Variants in CDH13 observed in about 807,000 individuals in gnomAD.
CDH13 encodes the protein cadherin 13.
Under a neutral mutation model 63.8 loss-of-function variants are expected in CDH13, and 24 were observed. The observed-to-expected ratio is 0.38, with a 90% CI of 0.27 to 0.53. The LOEUF is 0.53. Among genes scored for constraint, CDH13 ranks in the 20% least tolerant of loss-of-function variants. The pLI, the probability that CDH13 is intolerant of heterozygous loss-of-function variation, is 0.85. For missense variants in CDH13, 1,049 were observed against 903.1 expected (o/e 1.16, Z -2.07); for synonymous variants, 503 against 355.3 (o/e 1.42, Z -4.67).
intron 4 of CDH13, among the ~76,000 whole-genome samples, chr16:83,206,557 C>A (rs758652402): frequency 1.3e-5 from 2 of 152,232 alleles, no homozygotes; most frequent in African/African-American, 2.4e-5. Context: ...GAGATACATT[C>A]ATTCACTAGA....
At chr16:83,391,985 C>T (rs577807348) in intron 6 of CDH13, among the ~76,000 whole-genome samples, 1 of 152,306 alleles carries the variant, frequency 6.6e-6, no homozygotes, top group Admixed American at 6.5e-5. Flanking sequence ...TGGGGCAACT[C>T]TATGTAGTCA....
intron 1 of CDH13, among the ~76,000 whole-genome samples, chr16:82,694,697 C>T (rs749226945): frequency 6.6e-6 from 1 of 152,062 alleles, no homozygotes; most frequent in Non-Finnish European, 1.5e-5. Flanking sequence ...TAAATAAGGA[C>T]CTACTGAATG....
chr16:83,767,804 G>C (rs1481209898), intron 11 of CDH13, among the ~76,000 whole-genome samples: 3 of 152,146 alleles, frequency 2.0e-5, no homozygotes, highest in Non-Finnish European at 4.4e-5. Flanking sequence ...AGGCGAATCT[G>C]TAGAGACAGA....
chr16:83,756,227 T>C (rs1248672335), intron 11 of CDH13, among the ~76,000 whole-genome samples: 1 of 152,194 alleles, frequency 6.6e-6, no homozygotes, highest in African/African-American at 2.4e-5. Flanking sequence ...AACAAGGTGA[T>C]ACAGTAAGTA....
chr16:82,732,225 G>T (rs986498433), intron 1 of CDH13, among the ~76,000 whole-genome samples: 2 of 152,124 alleles, frequency 1.3e-5, no homozygotes, highest in South Asian at 4.2e-4. Flanking sequence ...GGAGTCTTAC[G>T]CAGTTTGTTG....
chr16:83,392,772 G>C (rs189457802), intron 6 of CDH13, among the ~76,000 whole-genome samples: 1 of 152,198 alleles, frequency 6.6e-6, no homozygotes, highest in Admixed American at 6.5e-5. Context: ...GTAATTACAC[G>C]CTAAATTATG....
chr16:83,138,640 T>C (rs1189120452), intron 4 of CDH13, among the ~76,000 whole-genome samples: 1 of 152,182 alleles, frequency 6.6e-6, no homozygotes, highest in Non-Finnish European at 1.5e-5. Flanking sequence ...TTGTAAAAAC[T>C]ACTGTATGGA....
chr16:83,022,815 C>T (rs1295437196), intron 2 of CDH13, among the ~76,000 whole-genome samples: 1 of 152,186 alleles, frequency 6.6e-6, no homozygotes, highest in African/African-American at 2.4e-5. Context: ...GGACAATTTA[C>T]CCATATAAGA....
intron 5 of CDH13, among the ~76,000 whole-genome samples, chr16:83,243,296 G>T (rs1032128099): frequency 6.6e-6 from 1 of 152,192 alleles, no homozygotes; most frequent in African/African-American, 2.4e-5. Flanking sequence ...GTTCCTCATG[G>T]CTGGAGAGGC....
At position 83,722,025 on chromosome 16, in the gene CDH13, A is replaced by G. The variant is rs535951907; in HGVS notation, c.1539-26083A>G. Among the ~76,000 whole-genome samples the G allele has an allele frequency of 9.2e-5, 14 of 152,256 alleles. No homozygotes were observed. In the South Asian group the frequency reaches 2.7e-3, roughly 29 times the overall value. On this transcript the variant is annotated intron_variant, in intron 10 of 13. Transcript: ENST00000567109. ...TGGAGGGGTCCATGTGCAAAAGAGCACTGTGGGAGGATCCAGGGGACACTG... is the reference window on the plus strand; with the variant it reads ...TGGAGGGGTCCATGTGCAAAAGAGCGCTGTGGGAGGATCCAGGGGACACTG...
At chr16:82,744,533 T>C (rs1402325139) in intron 1 of CDH13, among the ~76,000 whole-genome samples, 1 of 152,114 alleles carries the variant, frequency 6.6e-6, no homozygotes, top group African/African-American at 2.4e-5. Context: ...GGCATAAATC[T>C]CTGGGCTGGC....
At chr16:83,177,291 C>T (rs1000711381) in intron 4 of CDH13, among the ~76,000 whole-genome samples, 5 of 152,162 alleles carry the variant, frequency 3.3e-5, no homozygotes, top group Admixed American at 1.3e-4. Context: ...CTTCAAATGA[C>T]ATTTATTTCC....
intron 5 of CDH13, among the ~76,000 whole-genome samples, chr16:83,320,070 C>T (rs562161067): frequency 6.6e-6 from 1 of 152,304 alleles, no homozygotes; most frequent in East Asian, 1.9e-4. Context: ...GACAGGGTCT[C>T]ATTCTGTCAC....
chr16:82,716,635 T>A (rs1302360323), intron 1 of CDH13, among the ~76,000 whole-genome samples: 1 of 149,194 alleles, frequency 6.7e-6, no homozygotes, highest in Non-Finnish European at 1.5e-5. Flanking sequence ...CCAGCTGGCA[T>A]GGAATTTCAA....
At chr16:82,703,537 G>C (rs2031227504) in intron 1 of CDH13, among the ~76,000 whole-genome samples, 3 of 152,270 alleles carry the variant, frequency 2.0e-5, no homozygotes, top group African/African-American at 4.8e-5. Flanking sequence ...AGCTCCAGTA[G>C]CCCACAGTGG....
At chr16:83,032,359 C>G (rs774678387) in intron 3 of CDH13, 141 bp downstream of exon 3, 2 of 676,132 alleles carry the variant, frequency 3.0e-6, no homozygotes, top group Non-Finnish European at 4.9e-6. Flanking sequence ...AAATCCAACT[C>G]TAAAAATGTA....
intron 2 of CDH13, chr16:83,023,210 T>C (rs928547825): frequency 1.3e-5 from 2 of 152,200 alleles, no homozygotes; most frequent in African/African-American, 4.8e-5. Flanking sequence ...AGGGGACATT[T>C]TGAGTGGAAA....
At chr16:83,789,346 TGTTTGTCTG>T (rs1916101801) in intron 13 of CDH13, among the ~76,000 whole-genome samples, 4 of 147,732 alleles carry the variant, frequency 2.7e-5, no homozygotes, top group South Asian at 2.1e-4. Context: ...TCTTTTTTTT[TGTTTGTCTG>T]TTTTGTTTTA....
chr16:83,609,126 T>C (rs1908628774), intron 8 of CDH13, among the ~76,000 whole-genome samples: 1 of 152,194 alleles, frequency 6.6e-6, no homozygotes, highest in Non-Finnish European at 1.5e-5. Flanking sequence ...GTCATATATA[T>C]GAGCTATGCC....
Sources: gnomAD v4.1 joint callset for allele counts (sites outside exome capture counted in the v4.1 genomes callset) on GRCh38, gnomAD v4.1.1 for gene constraint, MANE v1.5 for transcripts, NCBI Gene and HGNC (gene_info 2026-07-23, HGNC 2026-07-21) for gene names.